The following CDK12 variants were observed in gnomAD, a reference collection of about 807,000 sequenced individuals.
The protein encoded by CDK12 is cyclin dependent kinase 12.
In CDK12, 17 loss-of-function variants were observed where a neutral mutation model predicts 133.8. The ratio of observed to expected loss-of-function variants is 0.13; its 90% CI spans 0.09 to 0.19. CDK12 has a LOEUF of 0.19. CDK12 is among the 10% of genes least tolerant of loss of function. The probability of loss-of-function intolerance (pLI) is 1.00; values close to 1 mark genes in which losing one functional copy is unlikely to be tolerated. For missense variants in CDK12, 1,508 were observed against 1,818.7 expected, an observed-to-expected ratio of 0.83 and a Z score of 3.11; for synonymous variants, 694 against 683.6, an observed-to-expected ratio of 1.02 and a Z score of -0.24.
chr17:39,471,958 T>C (rs191883487), intron 2 of CDK12, among the ~76,000 whole-genome samples, 195 bp downstream of exon 2: 2 of 152,206 alleles, frequency 1.3e-5, no homozygotes, highest in Admixed American at 6.6e-5. Context: ...TTAACCCATT[T>C]TATCATTAAG....
chr17:39,474,529 G>C (rs1275742899), intron 2 of CDK12, among the ~76,000 whole-genome samples: 1 of 152,070 alleles, frequency 6.6e-6, no homozygotes, highest in Non-Finnish European at 1.5e-5. Context: ...TGCCCAGGTT[G>C]GTCTTGAGCT....
chr17:39,478,063 C>CTT (rs533207548), intron 2 of CDK12, among the ~76,000 whole-genome samples: 5 of 137,778 alleles, frequency 3.6e-5, no homozygotes, highest in African/African-American at 5.3e-5. Context: ...TCCTCCACCT[C>CTT]TTTTTTTTTT....
At chr17:39,555,594 C>T (rs1476747993) in intron 2 of CDK12, among the ~76,000 whole-genome samples, 1 of 151,962 alleles carries the variant, frequency 6.6e-6, no homozygotes, top group African/African-American at 2.4e-5. Flanking sequence ...ACTAAACCAA[C>T]ACATCACCTG....
chr17:39,537,199 T>G (rs2055172765), downstream of CDK12, among the ~76,000 whole-genome samples: 1 of 152,174 alleles, frequency 6.6e-6, no homozygotes. Context: ...TTCTCCCTCC[T>G]CAGTCTCAGA....
rs113838864 is a variant in CDK12 at position 39,526,340 on chromosome 17, C to G, written c.3760+24C>G. 3.3e-6 allele frequency: 5 copies of G among 1,534,220 alleles called. No homozygotes were observed. In the African/African-American group the frequency reaches 4.1e-5, roughly 13 times the overall value. On this transcript the variant is annotated intron_variant, in intron 13 of 13. Transcript: ENST00000447079. ...AGGTAAACAGACCGGTCATGAATCT[C>G]ATTGAGCTCAGGTGCTGTTGATACC...
intron 13 of CDK12, among the ~76,000 whole-genome samples, chr17:39,526,972 G>A (rs1372545531): frequency 6.6e-6 from 1 of 152,194 alleles, no homozygotes; most frequent in Non-Finnish European, 1.5e-5. Context: ...ATGGGGATAA[G>A]TTATACGTTA....
intron 1 of CDK12, among the ~76,000 whole-genome samples, chr17:39,542,142 T>C (rs1433780471): frequency 1.1e-5 from 1 of 89,284 alleles, no homozygotes; most frequent in Admixed American, 1.1e-4. Context: ...ACTGGGAAAT[T>C]ATATATACAT....
chr17:39,541,094 G>A (rs969405505), intron 1 of CDK12, among the ~76,000 whole-genome samples: 3 of 151,962 alleles, frequency 2.0e-5, no homozygotes, highest in Non-Finnish European at 4.4e-5. Flanking sequence ...GACATTGATT[G>A]AACACTTATG....
chr17:39,553,799 C>T (rs7342947), intron 2 of CDK12, among the ~76,000 whole-genome samples: 2 of 152,308 alleles, frequency 1.3e-5, no homozygotes, highest in African/African-American at 4.8e-5. Context: ...TGACTCATAG[C>T]AGTGGAGGTG....
chr17:39,498,872 TC>T (rs2052353565), intron 5 of CDK12, among the ~76,000 whole-genome samples: 3 of 2,904 alleles, frequency 1.0e-3, no homozygotes, highest in Non-Finnish European at 1.7e-3. Flanking sequence ...ACTATGATTT[TC>T]TCTTTCTTTC....
intron 1 of CDK12, among the ~76,000 whole-genome samples, chr17:39,540,159 G>A (rs1477772067): frequency 1.3e-5 from 2 of 152,222 alleles, no homozygotes; most frequent in East Asian, 3.8e-4. Flanking sequence ...AGGAAAGAAA[G>A]TGGGTCCATA....
At chr17:39,552,457 T>C (rs867687218) in intron 2 of CDK12, among the ~76,000 whole-genome samples, 4 of 152,196 alleles carry the variant, frequency 2.6e-5, no homozygotes, top group African/African-American at 9.7e-5. Context: ...GTAGGATTTA[T>C]TAAATGGCTG....
intron 3 of CDK12, among the ~76,000 whole-genome samples, chr17:39,562,688 G>GA (rs1173744101): frequency 2.6e-5 from 4 of 151,744 alleles, no homozygotes; most frequent in African/African-American, 9.7e-5. Context: ...TTTGGCACTG[G>GA]AAAAAAAAGT....
intron 2 of CDK12, among the ~76,000 whole-genome samples, chr17:39,489,061 C>T (rs941516456): frequency 1.3e-5 from 2 of 151,502 alleles, no homozygotes; most frequent in African/African-American, 4.9e-5. Flanking sequence ...GCTGGAATTA[C>T]ACCACCACAC....
chr17:39,538,462 C>T (rs182512790), downstream of CDK12, among the ~76,000 whole-genome samples: 1 of 152,300 alleles, frequency 6.6e-6, no homozygotes, highest in East Asian at 1.9e-4. Context: ...GGCCGAGGAA[C>T]ATGTATGGTG....
intron 11 of CDK12, 94 bp downstream of exon 11, chr17:39,520,181 C>A (rs2146578600): frequency 1.5e-6 from 2 of 1,324,782 alleles, no homozygotes; most frequent in Non-Finnish European, 2.1e-6. Flanking sequence ...CCAGTAAGAC[C>A]CAAATGAAGA....
At chr17:39,539,134 A>G (rs1275755363), downstream of CDK12, among the ~76,000 whole-genome samples, 1 of 152,194 alleles carries the variant, frequency 6.6e-6, no homozygotes, top group Non-Finnish European at 1.5e-5. Flanking sequence ...CTCCATTCCT[A>G]GAGACCTTCC....
chr17:39,471,756 A>G lies in CDK12; in HGVS notation c.1924A>G (p.Met642Val), dbSNP rs750864379. Reference protein sequence around the residue: ...LPPLLPGDDDMDSPKETLPSK... With the variant: ...LPPLLPGDDDVDSPKETLPSK... ...ACCCTTATTACCTGGAGATGATGAC[A>G]TGGATAGGTAAGTCCTATAGTGAAC... is the stretch of plus-strand genomic sequence containing the variant. Residue 642 changes from methionine (M) to valine (V), a missense_variant, in exon 2 of 14, where the codon ATG becomes GTG. Physicochemically the swap from Met to Val is conservative, Grantham distance 21 (BLOSUM62 1). Transcript: ENST00000447079. 3.7e-6 allele frequency: 6 copies of G among 1,610,482 alleles called. No homozygotes were observed. In the African/African-American group the frequency reaches 4.0e-5, roughly 11 times the overall value.
chr17:39,567,420 G>A (rs1032893415), downstream of CDK12: 1 of 152,174 alleles, frequency 6.6e-6, no homozygotes, highest in African/African-American at 2.4e-5. Flanking sequence ...AGTTTCATTG[G>A]ATGGAAAGTT....
Sources: allele counts gnomAD v4.1 joint callset (sites outside exome capture counted in the v4.1 genomes callset), GRCh38; gene constraint gnomAD v4.1.1; transcripts MANE v1.5; gene names NCBI Gene and HGNC (gene_info 2026-07-23, HGNC 2026-07-21).